Variants in C2orf15 observed in about 807,000 individuals in gnomAD.
The protein encoded by C2orf15 is uncharacterized protein C2orf15.
Under a neutral mutation model 4.4 loss-of-function variants are expected in C2orf15, and 3 were observed. The ratio of observed to expected loss-of-function variants is 0.67; its 90% confidence interval spans 0.31 to 1.74. The LOEUF (loss-of-function observed/expected upper bound fraction) is 1.74, where lower values mean the gene tolerates loss of function less well. Ranked by LOEUF, C2orf15 falls within the 40% of genes most tolerant of loss-of-function variation. The pLI, the probability that C2orf15 is intolerant of heterozygous loss-of-function variation, is 0.09. For missense variants in C2orf15, 90 were observed against 103.3 expected (o/e 0.87, Z 0.56); for synonymous variants, 37 against 36.8 (o/e 1.00, Z -0.02).
rs749418173 is a variant in C2orf15, at chr2:99,150,538, C to T, written c.-21C>T. The stretch of plus-strand genomic sequence containing the variant: ...TAAAAAGGTACCTGCAAATTACTTT[C>T]ACATTTGTTCAGCTATCCTAATGGG... On this transcript the variant is annotated 5_prime_UTR_variant, in exon 4 of 4. Transcript: ENST00000650052. 8 of 1,599,732 alleles carry T rather than the reference C, an allele frequency of 5.0e-6. No homozygotes were observed. The highest frequency in any genetic ancestry group is 6.8e-6 in the Non-Finnish European group (8 of 1,174,634).
intron 2 of C2orf15, among the ~76,000 whole-genome samples, chr2:99,146,302 T>G (rs996801396): frequency 6.6e-6 from 1 of 152,238 alleles, no homozygotes; most frequent in African/African-American, 2.4e-5. Flanking sequence ...AATTATGTTT[T>G]TATATCCTTT....
Position 99,147,492 on chromosome 2 carries a change from A to C in C2orf15, c.-78A>C. On this transcript the variant is annotated splice_region_variant and 5_prime_UTR_variant, in exon 3 of 4. Coordinates refer to ENST00000650052, the MANE Select transcript of C2orf15 (RefSeq NM_144706.4). ...CATGTCCTCAACTCTGGGGAAGTTA[A>C]GGTAAGACTCACAGGGCCAAGTCTA... 1 of 1,613,946 alleles carries C rather than the reference A, an allele frequency of 6.2e-7. No homozygotes were observed. Among genetic ancestry groups the C allele is most frequent in the Admixed American group, 1.7e-5 (1 of 60,008 alleles).
rs973710468 is a variant in C2orf15 at position 99,143,264 on chromosome 2, C to T, written c.-169+863C>T. Reference sequence around the variant, plus strand: ...TCATGCCATTCTCCTGCCTCAGCCTCCCAAGTAGCTAGGACTACAGGCGCC... The same window carrying T: ...TCATGCCATTCTCCTGCCTCAGCCTTCCAAGTAGCTAGGACTACAGGCGCC... On this transcript the variant is annotated intron_variant, in intron 2 of 3. Transcript: ENST00000650052. Among the ~76,000 whole-genome samples, 65 of 150,982 alleles carry T rather than the reference C, an allele frequency of 4.3e-4. 2 individuals are homozygous for T. Among genetic ancestry groups the T allele is most frequent in the Non-Finnish European group, 1.3e-4 (9 of 67,814 alleles).
At chr2:99,144,648 T>C (rs1453748048) in intron 2 of C2orf15, among the ~76,000 whole-genome samples, 1 of 15,760 alleles carries the variant, frequency 6.3e-5, no homozygotes, top group African/African-American at 1.4e-4. Flanking sequence ...AAACTCTGTC[T>C]CAAAAAAAAA....
intron 2 of C2orf15, among the ~76,000 whole-genome samples, chr2:99,144,284 G>A (rs1438647352): frequency 1.3e-5 from 2 of 151,984 alleles, no homozygotes; most frequent in African/African-American, 4.8e-5. Flanking sequence ...GCCTCCCAAA[G>A]TGCTGGGATT....
chr2:99,144,090 C>T lies in C2orf15; in HGVS notation c.-169+1689C>T, dbSNP rs551818128. 1.8e-3 allele frequency among the ~76,000 whole-genome samples: 271 copies of T among 152,216 alleles called. 1 individual carries two copies. Among genetic ancestry groups the T allele is most frequent in the Non-Finnish European group, 1.8e-3 (120 of 67,998 alleles). On this transcript the variant is annotated intron_variant, in intron 2 of 3. Transcript: ENST00000650052. ...GGCTGGAGTGCAGTGGCGCGATCTCCGCTCACTGGAAGCTCTGCCTCGCGG... is the reference window on the plus strand; with the variant it reads ...GGCTGGAGTGCAGTGGCGCGATCTCTGCTCACTGGAAGCTCTGCCTCGCGG...
At chr2:99,146,509 ATTGT>A (rs1334505110) in intron 2 of C2orf15, among the ~76,000 whole-genome samples, 4 of 151,522 alleles carry the variant, frequency 2.6e-5, no homozygotes, top group African/African-American at 9.7e-5. Flanking sequence ...TTCCTCCCTT[ATTGT>A]TTAAGCTTTT....
rs369316279 is a variant in C2orf15, at chr2:99,146,215, C to T, written c.-168-1187C>T. Among the ~76,000 whole-genome samples the T allele has an allele frequency of 5.3e-5, 8 of 152,286 alleles. No homozygotes were observed. In the East Asian group the frequency reaches 7.7e-4, roughly 15 times the overall value. Reference sequence around the variant, plus strand: ...GGAGAATCATGTGAACCCAGAAAGGCGGAGGTTGCAATTTCTTTGCAACTT... The same window carrying T: ...GGAGAATCATGTGAACCCAGAAAGGTGGAGGTTGCAATTTCTTTGCAACTT... On this transcript the variant is annotated intron_variant, in intron 2 of 3. Transcript: ENST00000650052.
At chr2:99,144,281 A>G (rs1187277704) in intron 2 of C2orf15, among the ~76,000 whole-genome samples, 3 of 151,526 alleles carry the variant, frequency 2.0e-5, no homozygotes, top group Non-Finnish European at 4.4e-5. Context: ...TCGGCCTCCC[A>G]AAGTGCTGGG....
chr2:99,148,496 T>C (rs1199691755), intron 3 of C2orf15: 3 of 152,236 alleles, frequency 2.0e-5, no homozygotes, highest in Non-Finnish European at 4.4e-5. Context: ...TTTAGGCTAC[T>C]ACAGTAGACC....
intron 2 of C2orf15, among the ~76,000 whole-genome samples, chr2:99,145,566 A>AAC (rs2093623185): frequency 6.6e-6 from 1 of 151,200 alleles, no homozygotes; most frequent in African/African-American, 2.4e-5. Flanking sequence ...CCAAAAAGAA[A>AAC]AAAAAAAAAG....
At chr2:99,147,336 CTT>C (rs897071512) in intron 2 of C2orf15, 64 bp from the exon 3 acceptor site, 5 of 903,188 alleles carry the variant, frequency 5.5e-6, no homozygotes, top group African/African-American at 5.0e-5. Context: ...AAGAAAGCCA[CTT>C]TGTTCTTTTT....
chr2:99,147,524 T>C lies in C2orf15; in HGVS notation c.-77+31T>C, dbSNP rs370177678. 6.7e-5 allele frequency: 107 copies of C among 1,603,270 alleles called. No individual in the cohort carries two copies. The African/African-American group carries it at 9.5e-4, about 14-fold the overall frequency. ...ACTCACAGGGCCAAGTCTACCCTAT[T>C]ATACTTGGTTCCTCCTCAGTCCTTT... is the stretch of plus-strand genomic sequence containing the variant. On this transcript the variant is annotated intron_variant, in intron 3 of 3. Coordinates refer to ENST00000650052, the MANE Select transcript of C2orf15 (RefSeq NM_144706.4).
At chr2:99,145,814 G>A (rs1040483536) in intron 2 of C2orf15, among the ~76,000 whole-genome samples, 2 of 152,166 alleles carry the variant, frequency 1.3e-5, no homozygotes, top group Non-Finnish European at 2.9e-5. Flanking sequence ...GTTGAGCAGA[G>A]GACTGCTGTG....
Position 99,150,393 on chromosome 2 carries a change from A to G in C2orf15, c.-76-90A>G, listed in dbSNP as rs2093680626. ...GGCAATTTTACTTTATATTTCTAGT[A>G]TCACCACAGCTTTTCATTCAAACAA... On this transcript the variant is annotated intron_variant, in intron 3 of 3. Transcript: ENST00000650052. 5 of 704,804 alleles carry G rather than the reference A, an allele frequency of 7.1e-6. No homozygotes were observed. The South Asian group carries it at 8.6e-5, about 12-fold the overall frequency. The allele number at this position is 704,804 out of a possible 1,614,324, so 43.7% of individuals were successfully genotyped here.
Position 99,150,688 on chromosome 2 carries a change from A to G in C2orf15, c.130A>G (p.Thr44Ala), listed in dbSNP as rs1237042869. ...LEPATQLFQN[T>A]KKIRLEDTNQ... ...ACCAGCGACTCAGTTATTTCAAAAC[A>G]CCAAGAAAATAAGATTAGAAGACAC... is the stretch of plus-strand genomic sequence containing the variant. The change falls in exon 4 of 4, where the codon ACC (threonine) becomes GCC (alanine). Residue 44 changes from threonine (T) to alanine (A), a missense_variant. Physicochemically the swap from Thr to Ala is moderately conservative, Grantham distance 58. Transcript: ENST00000650052. 21 of 1,614,092 alleles carry G rather than the reference A, an allele frequency of 1.3e-5. No homozygotes were observed. Among genetic ancestry groups the G allele is most frequent in the Non-Finnish European group, 1.7e-5 (20 of 1,179,982 alleles).
At chr2:99,144,649 C>CAA (rs70940140) in intron 2 of C2orf15, among the ~76,000 whole-genome samples, 39 of 52,206 alleles carry the variant, frequency 7.5e-4, no homozygotes, top group South Asian at 3.2e-3. Flanking sequence ...AACTCTGTCT[C>CAA]AAAAAAAAAA....
At chr2:99,146,152 A>G (rs1428229367) in intron 2 of C2orf15, among the ~76,000 whole-genome samples, 1 of 152,172 alleles carries the variant, frequency 6.6e-6, no homozygotes, top group Non-Finnish European at 1.5e-5. Context: ...GCATGGTGGC[A>G]GGTGCCTGTA....
Position 99,145,158 on chromosome 2 carries a change from T to C in C2orf15, c.-168-2244T>C, listed in dbSNP as rs1304919615. ...TCCAGCTTCTACTGGCAGCCCATGT[T>C]CCTTGGCTTGTGATCCCAGTCTATA... On this transcript the variant is annotated intron_variant, in intron 2 of 3. Coordinates refer to ENST00000650052, the MANE Select transcript of C2orf15 (RefSeq NM_144706.4). 1.3e-5 allele frequency among the ~76,000 whole-genome samples: 2 copies of C among 152,198 alleles called. 1 individual carries two copies. Among genetic ancestry groups the C allele is most frequent in the Non-Finnish European group, 2.9e-5 (2 of 68,030 alleles).
Sources: allele counts gnomAD v4.1 joint callset (sites outside exome capture counted in the v4.1 genomes callset), GRCh38; gene constraint gnomAD v4.1.1; transcripts MANE v1.5; gene names NCBI Gene and HGNC (gene_info 2026-07-23, HGNC 2026-07-21).